Variants in COL24A1 observed in about 807,000 individuals in gnomAD.
The protein encoded by COL24A1 is collagen type XXIV alpha 1 chain.
In COL24A1, 224 loss-of-function variants were observed where a neutral mutation model predicts 253.9. The ratio of observed to expected loss-of-function variants is 0.88; its 90% CI spans 0.79 to 0.99. The LOEUF is 0.99. Among genes scored for constraint, COL24A1 ranks in the 50% least tolerant of loss-of-function variants. The pLI, the probability that COL24A1 is intolerant of heterozygous loss-of-function variation, is 0.00. For missense variants in COL24A1, 2,131 were observed against 2,068.5 expected (o/e 1.03, Z -0.59); for synonymous variants, 685 against 673.7 (o/e 1.02, Z -0.26).
intron 24 of COL24A1, among the ~76,000 whole-genome samples, chr1:85,918,192 T>C (rs1410214457): frequency 6.6e-6 from 1 of 152,042 alleles, no homozygotes; most frequent in Admixed American, 6.5e-5. Context: ...TTTCCTTATT[T>C]CTATGTCATT....
intron 23 of COL24A1, among the ~76,000 whole-genome samples, chr1:85,964,585 A>G (rs1691381285): frequency 6.6e-6 from 1 of 152,286 alleles, no homozygotes; most frequent in African/African-American, 2.4e-5. Flanking sequence ...AGACATAATC[A>G]CAGATACACA....
chr1:86,060,173 C>T (rs996303585), intron 8 of COL24A1, among the ~76,000 whole-genome samples: 27 of 152,014 alleles, frequency 1.8e-4, no homozygotes, highest in African/African-American at 6.5e-4. Flanking sequence ...AAAAGTGAGA[C>T]AAAATATTAT....
intron 18 of COL24A1, among the ~76,000 whole-genome samples, chr1:86,021,465 AG>A (rs930688587): frequency 6.6e-6 from 1 of 152,132 alleles, no homozygotes; most frequent in African/African-American, 2.4e-5. Context: ...CCTACTAAGT[AG>A]GTGGCCACCC....
intron 18 of COL24A1, among the ~76,000 whole-genome samples, chr1:86,017,812 C>A (rs1697139643): frequency 6.6e-6 from 1 of 152,204 alleles, no homozygotes; most frequent in Non-Finnish European, 1.5e-5. Flanking sequence ...CATTAAATGT[C>A]AACCAATTTT....
intron 47 of COL24A1, among the ~76,000 whole-genome samples, chr1:85,790,298 T>C (rs568915578): frequency 6.0e-4 from 92 of 152,276 alleles, no homozygotes; most frequent in African/African-American, 2.1e-3. Flanking sequence ...TATATGTCAA[T>C]GAATGTATCC....
At chr1:86,154,971 G>A (rs1419602900) in intron 1 of COL24A1, 1 of 152,344 alleles carries the variant, frequency 6.6e-6, no homozygotes, top group Non-Finnish European at 1.5e-5. Context: ...CCACACAGAG[G>A]GATGTTTATC....
intron 24 of COL24A1, among the ~76,000 whole-genome samples, chr1:85,939,557 A>G (rs1688539576): frequency 6.6e-6 from 1 of 152,164 alleles, no homozygotes; most frequent in Admixed American, 6.6e-5. Flanking sequence ...GGAGTGAGAT[A>G]CTCATTCCTC....
intron 7 of COL24A1, among the ~76,000 whole-genome samples, chr1:86,088,673 T>C (rs183957601): frequency 3.3e-5 from 5 of 152,190 alleles, no homozygotes; most frequent in Non-Finnish European, 7.4e-5. Flanking sequence ...AAGCCTCACA[T>C]CTGTATATAC....
chr1:85,941,306 C>T (rs1014081898), intron 24 of COL24A1, among the ~76,000 whole-genome samples: 1 of 152,078 alleles, frequency 6.6e-6, no homozygotes, highest in Admixed American at 6.5e-5. Context: ...AATCTACCAT[C>T]CGATGCCTCC....
chr1:85,926,376 G>A (rs906228392), intron 24 of COL24A1, among the ~76,000 whole-genome samples: 11 of 152,164 alleles, frequency 7.2e-5, no homozygotes, highest in African/African-American at 2.4e-4. Flanking sequence ...ACATGCACAC[G>A]TATGTTTATT....
intron 32 of COL24A1, among the ~76,000 whole-genome samples, chr1:85,887,682 A>G (rs1682671569): frequency 6.6e-6 from 1 of 152,142 alleles, no homozygotes; most frequent in Non-Finnish European, 1.5e-5. Flanking sequence ...CTTTATGCCT[A>G]CGTACTTCTA....
chr1:86,016,367 A>C (rs1024535170), intron 19 of COL24A1, among the ~76,000 whole-genome samples: 6 of 152,318 alleles, frequency 3.9e-5, no homozygotes, highest in Admixed American at 3.9e-4. Flanking sequence ...TGACACTATG[A>C]CATTATTGCT....
At chr1:86,082,624 T>TATATTTATATAAATATATAAC (rs1197962977) in intron 7 of COL24A1, among the ~76,000 whole-genome samples, 4 of 148,142 alleles carry the variant, frequency 2.7e-5, no homozygotes, top group Non-Finnish European at 5.9e-5. Flanking sequence ...ATAATTTGTA[T>TATATTTATATAAATATATAAC]ATATTTATAT....
rs1206159975 is a variant in COL24A1 at position 85,838,499 on chromosome 1, A to T, written c.3681+86T>A. The T allele has an allele frequency of 2.5e-5, 29 of 1,157,748 alleles. No individual in the cohort carries two copies. In the East Asian group the frequency reaches 5.6e-4, roughly 22 times the overall value. The allele number at this position is 1,157,748 out of a possible 1,614,324, so 71.7% of individuals were successfully genotyped here. The stretch of plus-strand genomic sequence containing the variant: ...TTAAAAACATAAGACATTACTAATT[A>T]TCTCAATAATGGAATGGAAAAAATG... On this transcript the variant is annotated intron_variant, in intron 43 of 59. Coordinates refer to ENST00000370571, the MANE Select transcript of COL24A1 (RefSeq NM_152890.7).
At chr1:85,894,687 A>T (rs754680041) in intron 31 of COL24A1, among the ~76,000 whole-genome samples, 19 of 152,178 alleles carry the variant, frequency 1.2e-4, no homozygotes, top group African/African-American at 1.7e-4. Context: ...AACTCAGGTG[A>T]TGAATATTAA....
chr1:86,060,613 C>T (rs1379103300), intron 8 of COL24A1, among the ~76,000 whole-genome samples: 1 of 152,102 alleles, frequency 6.6e-6, no homozygotes, highest in Non-Finnish European at 1.5e-5. Context: ...TTCTATCTCT[C>T]ATTTCCTCTT....
In COL24A1 at chr1:85,768,595, G is replaced by GCA. The variant is rs1391365257; in HGVS notation, c.4375-7030_4375-7029insTG. ...TTGTTAGTTCTTTTGTGCGGGGGGAGGGCTTATTTCTTTTTCTTTTATGTA... is the reference window on the plus strand; with the variant it reads ...TTGTTAGTTCTTTTGTGCGGGGGGAGCAGGCTTATTTCTTTTTCTTTTATGTA... On this transcript the variant is annotated intron_variant, in intron 53 of 59. Coordinates refer to ENST00000370571, the MANE Select transcript of COL24A1 (RefSeq NM_152890.7). Among the ~76,000 whole-genome samples, 23 of 109,152 alleles carry GCA rather than the reference G, an allele frequency of 2.1e-4. 2 individuals are homozygous for GCA. Among genetic ancestry groups the GCA allele is most frequent in the South Asian group, 3.3e-4 (1 of 3,002 alleles). 71.6% of individuals were successfully genotyped at this position (109,152 alleles called of 152,430 possible). A position where few individuals can be genotyped will look rare whatever the true frequency, so the allele number is the denominator to read the frequency against.
At chr1:85,872,163 A>T (rs995980722) in intron 35 of COL24A1, among the ~76,000 whole-genome samples, 1 of 152,136 alleles carries the variant, frequency 6.6e-6, no homozygotes, top group African/African-American at 2.4e-5. Context: ...CTTCAAGGAG[A>T]ACTACAAACC....
chr1:86,020,359 C>T (rs78713898), intron 18 of COL24A1, among the ~76,000 whole-genome samples: 13,194 of 152,144 alleles, frequency 0.087, 703 homozygotes, highest in Middle Eastern at 0.19. Flanking sequence ...AGCCACCGCA[C>T]GTGGCCCTAA....
Sources: allele counts gnomAD v4.1 joint callset (sites outside exome capture counted in the v4.1 genomes callset), GRCh38; gene constraint gnomAD v4.1.1; transcripts MANE v1.5; gene names NCBI Gene and HGNC (gene_info 2026-07-23, HGNC 2026-07-21).